Variants in VPS13C observed in about 807,000 individuals in gnomAD.
VPS13C encodes the protein vacuolar protein sorting 13 homolog C.
In VPS13C, 358 loss-of-function variants were observed where a neutral mutation model predicts 456.8. The observed-to-expected ratio is 0.78, with a 90% confidence interval of 0.72 to 0.86. The LOEUF (loss-of-function observed/expected upper bound fraction) is 0.86. VPS13C is among the 40% of genes least tolerant of loss of function. VPS13C has a pLI of 0.00. For synonymous variants in VPS13C, 1,578 were observed against 1,486.7 expected (o/e 1.06, Z -1.41); for missense variants, 4,818 against 4,385.4 (o/e 1.10, Z -2.79).
Position 61,940,680 on chromosome 15 carries a change from C to T in VPS13C, c.5568G>A (p.Gly1856=). The T allele has an allele frequency of 6.2e-7, 1 of 1,613,466 alleles. No homozygotes were observed. The highest frequency in any genetic ancestry group is 8.5e-7 in the Non-Finnish European group (1 of 1,179,738). ...LAAAWYVQIP[G]MEIKGKLKPM... Reference sequence around the variant, plus strand: ...GTTTTAGTTTTCCTTTTATCTCCATCCCTGGAATTTGCACATACCATGCTG... The same window carrying T: ...GTTTTAGTTTTCCTTTTATCTCCATTCCTGGAATTTGCACATACCATGCTG... The change falls in exon 47 of 85, where the codon GGG becomes GGA. Residue 1856 remains glycine, a synonymous_variant. Coordinates refer to ENST00000644861, the MANE Select transcript of VPS13C (RefSeq NM_020821.3).
At chr15:61,992,343 C>T (rs1378973668) in intron 16 of VPS13C, among the ~76,000 whole-genome samples, 1 of 152,104 alleles carries the variant, frequency 6.6e-6, no homozygotes, top group East Asian at 1.9e-4. Context: ...TCTCTTTGCC[C>T]ACTTTTCAGA....
chr15:62,039,826 C>T (rs2048182496), intron 3 of VPS13C, among the ~76,000 whole-genome samples: 1 of 152,094 alleles, frequency 6.6e-6, no homozygotes, highest in African/African-American at 2.4e-5. Context: ...AAAAATAGAA[C>T]TACCATATGA....
chr15:61,964,241 G>GA (rs1265904519), intron 31 of VPS13C, among the ~76,000 whole-genome samples: 1 of 152,042 alleles, frequency 6.6e-6, no homozygotes, highest in Non-Finnish European at 1.5e-5. Context: ...TTACATGGTT[G>GA]AAGTAGCAAA....
At position 61,931,609 on chromosome 15, in the gene VPS13C, G is replaced by A. The variant is rs530509740; in HGVS notation, c.5869-350C>T. 1.8e-3 allele frequency among the ~76,000 whole-genome samples: 259 copies of A among 141,618 alleles called. 2 individuals carry two copies. In the Middle Eastern group the frequency reaches 0.027, roughly 15 times the overall value. The allele number at this position is 141,618 out of a possible 152,430, so 92.9% of individuals were successfully genotyped here. A position where few individuals can be genotyped will look rare whatever the true frequency, so the allele number is the denominator to read the frequency against. Reference sequence around the variant, plus strand: ...TTTTTTTTTTTTGAGATGGAGTTTCGCTCTGTCGCCCAGGCTGGAGTGCAG... The same window carrying A: ...TTTTTTTTTTTTGAGATGGAGTTTCACTCTGTCGCCCAGGCTGGAGTGCAG... On this transcript the variant is annotated intron_variant, in intron 49 of 84. Coordinates refer to ENST00000644861, the MANE Select transcript of VPS13C (RefSeq NM_020821.3).
chr15:62,013,795 T>C (rs1185973949), intron 10 of VPS13C, 138 bp downstream of exon 10: 8 of 572,722 alleles, frequency 1.4e-5, no homozygotes, highest in East Asian at 5.6e-5. Flanking sequence ...GGTCACATAG[T>C]AAGTAGCAGG....
chr15:61,987,212 T>TAAA (rs34766963), intron 18 of VPS13C, among the ~76,000 whole-genome samples: 1 of 138,898 alleles, frequency 7.2e-6, no homozygotes, highest in East Asian at 2.0e-4. Flanking sequence ...AAAACACTCT[T>TAAA]AAAAAAAAAA....
In VPS13C at chr15:61,951,952, T is replaced by C. The variant is rs781222853; in HGVS notation, c.4328A>G (p.Glu1443Gly). Reference sequence around the variant, plus strand: ...CTCATGTAAAGGCCTTCCTTTCTTTTCTGATTTTTTCATCAAAGTAACCAC... The same window carrying C: ...CTCATGTAAAGGCCTTCCTTTCTTTCCTGATTTTTTCATCAAAGTAACCAC... ...EVVVTLMKKS[E>G]KKGRPLHELN... Residue 1443 changes from glutamate to glycine, a missense_variant, in exon 39 of 85, where the codon GAA becomes GGA. By Grantham distance (98) the Glu-to-Gly change is moderately conservative. This residue lies in a region of VPS13C where 4,552 missense variants were observed against 4,130.6 expected (regional missense o/e 1.10). Coordinates refer to ENST00000644861, the MANE Select transcript of VPS13C (RefSeq NM_020821.3). The C allele has an allele frequency of 2.5e-6, 4 of 1,613,062 alleles. No homozygotes were observed. In the African/African-American group the frequency reaches 4.0e-5, roughly 16 times the overall value.
chr15:61,939,015 T>A (rs2044324919), intron 47 of VPS13C, among the ~76,000 whole-genome samples: 1 of 152,244 alleles, frequency 6.6e-6, no homozygotes, highest in Admixed American at 6.5e-5. Context: ...TTTTTCATTT[T>A]TATGTTCAAG....
Position 61,962,401 on chromosome 15 carries a change from G to C in VPS13C, c.3573C>G (p.Val1191=). The change falls in exon 34 of 85, where the codon GTC becomes GTG. Residue 1191 remains valine, a synonymous_variant. Coordinates refer to ENST00000644861, the MANE Select transcript of VPS13C (RefSeq NM_020821.3). ...LSLNVGCIQI[V]YLHKFLMSLL... is the part of the protein sequence containing the mutation. ...GTGACATAAGGAATTTATGAAGATA[G>C]ACAATCTGAATACAGCCAACATTCA... 6.3e-7 allele frequency: 1 copy of C among 1,594,472 alleles called. No homozygotes were observed. Among genetic ancestry groups the C allele is most frequent in the South Asian group, 1.2e-5 (1 of 86,290 alleles).
chr15:61,972,653 T>C lies in VPS13C; in HGVS notation c.2729A>G (p.Asn910Ser), dbSNP rs751402436. 1.9e-6 allele frequency: 3 copies of C among 1,613,416 alleles called. No individual in the cohort carries two copies. In the Admixed American group the frequency reaches 5.0e-5, roughly 27 times the overall value. The change falls in exon 27 of 85, where the codon AAT (asparagine) becomes AGT (serine). Residue 910 changes from asparagine to serine, a missense_variant. Asn to Ser is a conservative substitution (Grantham distance 46). Coordinates refer to ENST00000644861, the MANE Select transcript of VPS13C (RefSeq NM_020821.3). ...TTTAATTTCAAACTTGAGTAGAAGA[T>C]TGATGAGCTCCTCATTTGGGACCTC... The part of the protein sequence containing the change: ...AAEVPNEELI[N>S]LLLKFEIKEV...
Position 62,005,828 on chromosome 15 carries a change from G to A in VPS13C, c.1290+1480C>T, listed in dbSNP as rs564368773. Among the ~76,000 whole-genome samples, 22 of 151,502 alleles carry A rather than the reference G, an allele frequency of 1.5e-4. 1 individual carries two copies. The highest frequency in any genetic ancestry group is 1.2e-3 in the East Asian group (6 of 5,132). ...AACAATTCTCCTGCCTCAGCCTCCC[G>A]AGTAACTGGGATTACGGGTGCCCAC... On this transcript the variant is annotated intron_variant, in intron 15 of 84. Coordinates refer to ENST00000644861, the MANE Select transcript of VPS13C (RefSeq NM_020821.3).
chr15:62,034,194 T>C (rs2047911101), intron 4 of VPS13C, among the ~76,000 whole-genome samples: 1 of 151,658 alleles, frequency 6.6e-6, no homozygotes, highest in Admixed American at 6.6e-5. Flanking sequence ...CTTTCAAAAC[T>C]GTCACTGTCA....
chr15:61,982,776 A>C (rs1567072242), intron 20 of VPS13C, among the ~76,000 whole-genome samples: 1 of 152,188 alleles, frequency 6.6e-6, no homozygotes. Context: ...AGAGGCAACA[A>C]ATGTGCACAT....
intron 81 of VPS13C, chr15:61,866,497 C>T: frequency 1.0e-6 from 1 of 984,574 alleles, no homozygotes; most frequent in Non-Finnish European, 1.2e-6. Context: ...GCAATATAAC[C>T]AGTAAAATTA....
chr15:61,961,776 T>C lies in VPS13C; in HGVS notation c.3721A>G (p.Ile1241Val), dbSNP rs201491039. 2.5e-6 allele frequency: 4 copies of C among 1,614,014 alleles called. No homozygotes were observed. Among genetic ancestry groups the C allele is most frequent in the Non-Finnish European group, 3.4e-6 (4 of 1,179,950 alleles). ...ACCGGTGCTTTCAAATCAATATTGA[T>C]GGAAACACGAAAACTCCTCTGGGCA... ...DLAQRSFRVSINIDLKAPVIV... is the reference protein window; with the variant it reads ...DLAQRSFRVSVNIDLKAPVIV... Residue 1241 changes from isoleucine (I) to valine (V), a missense_variant, in exon 35 of 85, where the codon ATC (isoleucine) becomes GTC (valine). By Grantham distance (29) the Ile-to-Val change is conservative. Coordinates refer to ENST00000644861, the MANE Select transcript of VPS13C (RefSeq NM_020821.3).
At chr15:61,920,718 C>T in intron 55 of VPS13C, 71 bp from the exon 56 acceptor site, 1 of 1,418,096 alleles carries the variant, frequency 7.1e-7, no homozygotes, top group Non-Finnish European at 9.4e-7. Flanking sequence ...TGCTGGAGTT[C>T]AGTTCTCCTA....
chr15:61,979,304 T>A (rs1051375261), intron 22 of VPS13C, among the ~76,000 whole-genome samples: 1 of 152,172 alleles, frequency 6.6e-6, no homozygotes, highest in Non-Finnish European at 1.5e-5. Flanking sequence ...AACTGTTTTG[T>A]ACCAAAAGAA....
At chr15:61,959,709 T>A in intron 35 of VPS13C, 114 bp from the exon 36 acceptor site, 1 of 1,028,788 alleles carries the variant, frequency 9.7e-7, no homozygotes, top group South Asian at 2.2e-5. Flanking sequence ...TCTGAAACAG[T>A]GTGGCTTGAG....
chr15:62,041,286 G>A (rs755905067), intron 3 of VPS13C, 38 bp downstream of exon 3: 1 of 1,574,654 alleles, frequency 6.4e-7, no homozygotes, highest in East Asian at 2.3e-5. Context: ...GAAAACAATA[G>A]GACCAAGAAT....
Sources: allele counts gnomAD v4.1 joint callset (sites outside exome capture counted in the v4.1 genomes callset), GRCh38; gene constraint gnomAD v4.1.1; regional missense constraint gnomAD v4.1.1; transcripts MANE v1.5; gene names NCBI Gene and HGNC (gene_info 2026-07-23, HGNC 2026-07-21).